Variants in EDIL3 observed in about 807,000 individuals in gnomAD.
EDIL3 encodes EGF-like repeat and discoidin I-like domain-containing protein 3.
A neutral mutation model predicts 67.4 loss-of-function variants in EDIL3; 37 were observed. The ratio of observed to expected loss-of-function variants is 0.55; its 90% CI spans 0.42 to 0.72. The LOEUF is 0.72. Among genes scored for constraint, EDIL3 ranks in the 30% least tolerant of loss-of-function variants. The pLI is 0.00. For missense variants in EDIL3, 527 were observed against 586.3 expected (o/e 0.90, Z 1.04); for synonymous variants, 195 against 196.3 (o/e 0.99, Z 0.05).
intron 4 of EDIL3, among the ~76,000 whole-genome samples, chr5:84,168,916 TA>T (rs1748761414): frequency 1.3e-5 from 2 of 152,254 alleles, no homozygotes; most frequent in Non-Finnish European, 2.9e-5. Context: ...ACAATAAAAC[TA>T]AAAGTCCTCT....
At chr5:84,305,340 G>A (rs1466765335) in intron 1 of EDIL3, among the ~76,000 whole-genome samples, 2 of 152,160 alleles carry the variant, frequency 1.3e-5, no homozygotes, top group Non-Finnish European at 2.9e-5. Context: ...TGTGCAACTA[G>A]TTTCTGGACC....
At chr5:84,226,225 G>A (rs1476413065) in intron 3 of EDIL3, among the ~76,000 whole-genome samples, 1 of 151,580 alleles carries the variant, frequency 6.6e-6, no homozygotes, top group Non-Finnish European at 1.5e-5. Context: ...AGAGACATAA[G>A]TTAAAAGAGG....
chr5:84,128,534 C>A (rs767037239), intron 5 of EDIL3, among the ~76,000 whole-genome samples: 14 of 152,024 alleles, frequency 9.2e-5, no homozygotes, highest in South Asian at 2.1e-4. Flanking sequence ...AGGATGACTT[C>A]TTTTCTAGTA....
intron 2 of EDIL3, among the ~76,000 whole-genome samples, chr5:84,233,164 A>C (rs1744615657): frequency 6.6e-6 from 1 of 152,200 alleles, no homozygotes. Flanking sequence ...TGAAATTATA[A>C]TGATGGTAGG....
chr5:84,257,208 C>G (rs1373959), intron 1 of EDIL3, among the ~76,000 whole-genome samples: 122,863 of 152,026 alleles, frequency 0.81, 50,033 homozygotes, highest in East Asian at 0.95. Flanking sequence ...CATGGCCCCT[C>G]TGCTGCCCTC....
At chr5:84,034,050 A>G (rs1359416749) in intron 9 of EDIL3, among the ~76,000 whole-genome samples, 2 of 152,204 alleles carry the variant, frequency 1.3e-5, no homozygotes, top group Admixed American at 1.3e-4. Flanking sequence ...ATCTGTGTGT[A>G]GCTACTGCAT....
chr5:84,180,608 G>A, intron 3 of EDIL3, 87 bp from the exon 4 acceptor site: 2 of 1,377,610 alleles, frequency 1.5e-6, no homozygotes, highest in African/African-American at 1.5e-5. Context: ...TAATTTTACA[G>A]AAAAAAGTGT....
intron 4 of EDIL3, among the ~76,000 whole-genome samples, chr5:84,138,763 A>G (rs1043783610): frequency 6.6e-6 from 1 of 152,180 alleles, no homozygotes; most frequent in Non-Finnish European, 1.5e-5. Context: ...TTCCTTAGGT[A>G]ATAACTTTCT....
At chr5:83,950,082 C>T (rs1421909957) in intron 10 of EDIL3, among the ~76,000 whole-genome samples, 5 of 151,922 alleles carry the variant, frequency 3.3e-5, no homozygotes, top group South Asian at 2.1e-4. Flanking sequence ...CTTACTGTCA[C>T]GTAACATTGC....
intron 6 of EDIL3, among the ~76,000 whole-genome samples, chr5:84,070,308 GGCAAAACTAAAAGA>G (rs1169219290): frequency 6.6e-6 from 1 of 152,154 alleles, no homozygotes; most frequent in African/African-American, 2.4e-5. Flanking sequence ...GCCTACAGAT[GGCAAAACTAAAAGA>G]GCACACTGTA....
Position 84,208,730 on chromosome 5 carries a change from T to C in EDIL3, c.226+21125A>G, listed in dbSNP as rs1048833677. 5.8e-3 allele frequency among the ~76,000 whole-genome samples: 726 copies of C among 124,618 alleles called. 5 individuals carry two copies. The highest frequency in any genetic ancestry group is 0.021 in the African/African-American group (686 of 32,976). 81.8% of individuals were successfully genotyped at this position (124,618 alleles called of 152,430 possible). On this transcript the variant is annotated intron_variant, in intron 3 of 10. Coordinates refer to ENST00000296591, the MANE Select transcript of EDIL3 (RefSeq NM_005711.5). ...AAAAAAAAAGTCAGGAAACAACAGGTGCTAGAGAGGATGTGGAGAAATAGG... is the reference window on the plus strand; with the variant it reads ...AAAAAAAAAGTCAGGAAACAACAGGCGCTAGAGAGGATGTGGAGAAATAGG...
Position 84,141,946 on chromosome 5 carries a change from T to TACATACACATATATATATATATACAC in EDIL3, c.356-4593_356-4592insGTGTATATATATATATATGTGTATGT, listed in dbSNP as rs1748203562. Among the ~76,000 whole-genome samples, 5 of 132,402 alleles carry TACATACACATATATATATATATACAC rather than the reference T, an allele frequency of 3.8e-5. No individual in the cohort carries two copies. In the South Asian group the frequency reaches 1.2e-3, roughly 33 times the overall value. 86.9% of individuals were successfully genotyped at this position (132,402 alleles called of 152,430 possible). On this transcript the variant is annotated intron_variant, in intron 4 of 10. Transcript: ENST00000296591. ...ATACACATATATATATATATATATA[T>TACATACACATATATATATATATACAC]ACATAGATCTATCTATCTATCTATC...
At chr5:84,078,440 G>A (rs1025224719) in intron 6 of EDIL3, among the ~76,000 whole-genome samples, 1 of 152,090 alleles carries the variant, frequency 6.6e-6, no homozygotes, top group African/African-American at 2.4e-5. Flanking sequence ...TACCATGTAT[G>A]TAAATTTAAA....
At chr5:84,001,320 A>T (rs1261719504) in intron 9 of EDIL3, among the ~76,000 whole-genome samples, 1 of 152,082 alleles carries the variant, frequency 6.6e-6, no homozygotes, top group African/African-American at 2.4e-5. Context: ...AAACGCTGGG[A>T]CTCACAAAAT....
chr5:84,132,314 A>ATATATATTTTATATATAATATATAT, intron 5 of EDIL3, among the ~76,000 whole-genome samples: 1 of 90,850 alleles, frequency 1.1e-5, no homozygotes, highest in African/African-American at 4.4e-5. Context: ...AATATATATT[A>ATATATATTTTATATATAATATATAT]TATATATTTT....
chr5:84,204,861 A>C (rs1743927797), intron 3 of EDIL3, among the ~76,000 whole-genome samples: 1 of 150,274 alleles, frequency 6.7e-6, no homozygotes, highest in African/African-American at 2.4e-5. Flanking sequence ...CTTTTTTATA[A>C]TTTTTAAATG....
At chr5:84,376,009 C>G (rs1423327659) in intron 1 of EDIL3, among the ~76,000 whole-genome samples, 2 of 152,056 alleles carry the variant, frequency 1.3e-5, no homozygotes, top group Non-Finnish European at 2.9e-5. Flanking sequence ...AATCATTTAA[C>G]AAAATATCTC....
chr5:84,106,283 A>G (rs1381846317), intron 6 of EDIL3, among the ~76,000 whole-genome samples: 1 of 152,096 alleles, frequency 6.6e-6, no homozygotes, highest in East Asian at 1.9e-4. Flanking sequence ...CCCACTTCTT[A>G]GAGATAGAAA....
chr5:83,990,103 C>G (rs1031395641), intron 9 of EDIL3, among the ~76,000 whole-genome samples: 6 of 152,098 alleles, frequency 3.9e-5, no homozygotes, highest in African/African-American at 1.4e-4. Context: ...AGCAGAGAAC[C>G]CAATAAAGCC....
Sources: allele counts gnomAD v4.1 joint callset (sites outside exome capture counted in the v4.1 genomes callset), GRCh38; gene constraint gnomAD v4.1.1; transcripts MANE v1.5; gene names NCBI Gene and HGNC (gene_info 2026-07-23, HGNC 2026-07-21).